The following KLF12 variants were observed in gnomAD, a reference collection of about 807,000 sequenced individuals.
KLF12 encodes KLF transcription factor 12.
KLF12 carries 9 observed loss-of-function variants against 37.8 expected under a neutral mutation model. That is an observed-to-expected ratio of 0.24 (90% CI 0.14 to 0.42). The LOEUF (loss-of-function observed/expected upper bound fraction) is 0.42, where lower values mean the gene tolerates loss of function less well. Among genes scored for constraint, KLF12 ranks in the 10% least tolerant of loss-of-function variants. KLF12 has a pLI of 1.00. For synonymous variants in KLF12, 208 were observed against 202.1 expected, an observed-to-expected ratio of 1.03 and a Z score of -0.25; for missense variants, 411 against 516.0, an observed-to-expected ratio of 0.80 and a Z score of 1.97.
chr13:73,715,373 T>C lies in KLF12; in HGVS notation c.1022A>G (p.His341Arg). 1 of 1,613,428 alleles carries C rather than the reference T, an allele frequency of 6.2e-7. No individual in the cohort carries two copies. The highest frequency in any genetic ancestry group is 8.5e-7 in the Non-Finnish European group (1 of 1,179,754). ...GAAGCCCTGCAGAGCGGTACCTGTA[T>C]GTGTCCTCCGGTGAGCCTTCAGGTG... Residue 341 changes from histidine (H) to arginine (R), a missense_variant, in exon 7 of 8, where the codon CAT becomes CGT. By Grantham distance (29) the His-to-Arg change is conservative. Transcript: ENST00000377669.
intron 2 of KLF12, among the ~76,000 whole-genome samples, chr13:73,991,812 A>G (rs893135542): frequency 6.6e-6 from 1 of 152,258 alleles, no homozygotes; most frequent in Non-Finnish European, 1.5e-5. Context: ...AAAATGGAAG[A>G]AAAGCTGGAT....
At chr13:73,750,505 C>A (rs561077623) in intron 6 of KLF12, among the ~76,000 whole-genome samples, 1 of 152,094 alleles carries the variant, frequency 6.6e-6, no homozygotes, top group South Asian at 2.1e-4. Flanking sequence ...ACATTACACA[C>A]GGGCCAACAA....
the KLF12 span, among the ~76,000 whole-genome samples, chr13:74,267,602 A>C: frequency 6.6e-6 from 1 of 152,170 alleles, no homozygotes; most frequent in Non-Finnish European, 1.5e-5. Flanking sequence ...AGGAGGGATG[A>C]AGAGAGGTTG....
At chr13:73,784,325 A>G (rs751733353) in intron 5 of KLF12, among the ~76,000 whole-genome samples, 1 of 152,086 alleles carries the variant, frequency 6.6e-6, no homozygotes, top group Non-Finnish European at 1.5e-5. Flanking sequence ...TTAACCCTTA[A>G]CTCCTTAACA....
At chr13:74,029,299 G>T (rs1162114964) in intron 1 of KLF12, among the ~76,000 whole-genome samples, 3 of 152,062 alleles carry the variant, frequency 2.0e-5, no homozygotes, top group East Asian at 1.9e-4. Flanking sequence ...TTCCTCAGTT[G>T]TTTTTTTATC....
the KLF12 span, among the ~76,000 whole-genome samples, chr13:74,183,957 A>C: frequency 2.6e-5 from 4 of 152,210 alleles, no homozygotes; most frequent in Admixed American, 1.3e-4. Context: ...ATACATTTTA[A>C]GAGCATTTAT....
At chr13:73,853,529 G>A (rs1344098419) in intron 3 of KLF12, among the ~76,000 whole-genome samples, 2 of 152,102 alleles carry the variant, frequency 1.3e-5, no homozygotes, top group African/African-American at 4.8e-5. Flanking sequence ...CTGAGGTCAG[G>A]AGTTCAAGAC....
chr13:74,230,460 C>G, the KLF12 span, among the ~76,000 whole-genome samples: 2 of 152,092 alleles, frequency 1.3e-5, no homozygotes, highest in Non-Finnish European at 2.9e-5. Context: ...AGTATGTACC[C>G]AATAAATAAT....
intron 4 of KLF12, among the ~76,000 whole-genome samples, chr13:73,838,640 A>C (rs1403656748): frequency 6.6e-6 from 1 of 151,440 alleles, no homozygotes; most frequent in African/African-American, 2.4e-5. Context: ...TAATGTAATA[A>C]ATATGTTTTG....
intron 6 of KLF12, among the ~76,000 whole-genome samples, chr13:73,746,918 G>A (rs1878413509): frequency 6.7e-6 from 1 of 150,182 alleles, no homozygotes; most frequent in African/African-American, 2.4e-5. Context: ...TGGTTCAGGT[G>A]ATTCTCCTGC....
At chr13:74,119,846 T>C (rs1877521634) in intron 1 of KLF12, among the ~76,000 whole-genome samples, 1 of 151,796 alleles carries the variant, frequency 6.6e-6, no homozygotes, top group South Asian at 2.1e-4. Context: ...TAAAGCAGCT[T>C]AGAGAATCCA....
chr13:73,760,402 C>G (rs760574001), intron 6 of KLF12, among the ~76,000 whole-genome samples: 10 of 152,228 alleles, frequency 6.6e-5, no homozygotes, highest in Non-Finnish European at 1.0e-4. Context: ...CTCACTGTAG[C>G]CTTGAATTCC....
chr13:73,762,672 C>A (rs9565040), intron 6 of KLF12, among the ~76,000 whole-genome samples: 72,210 of 152,036 alleles, frequency 0.47, 19,587 homozygotes, highest in East Asian at 0.77. Flanking sequence ...GACATGTAAT[C>A]CTACAAATTA....
At chr13:73,868,733 T>C (rs1886322374) in intron 3 of KLF12, among the ~76,000 whole-genome samples, 1 of 152,168 alleles carries the variant, frequency 6.6e-6, no homozygotes, top group Non-Finnish European at 1.5e-5. Context: ...TTCCGATAAA[T>C]TTTTAAATTC....
intron 3 of KLF12, among the ~76,000 whole-genome samples, chr13:73,902,627 C>G (rs1888091808): frequency 6.6e-6 from 1 of 152,212 alleles, no homozygotes; most frequent in South Asian, 2.1e-4. Flanking sequence ...ACAAAACATT[C>G]TAAAGTGTTC....
intron 1 of KLF12, among the ~76,000 whole-genome samples, chr13:74,128,870 G>A (rs74594861): frequency 0.015 from 2,207 of 151,610 alleles, 52 homozygotes; most frequent in African/African-American, 0.048. Context: ...TGTATTTCTC[G>A]GTCATGAAAT....
At chr13:73,781,207 T>A (rs566652418) in intron 5 of KLF12, among the ~76,000 whole-genome samples, 1 of 152,350 alleles carries the variant, frequency 6.6e-6, no homozygotes, top group Admixed American at 6.5e-5. Flanking sequence ...TTTATTAAAG[T>A]ACACACACTG....
chr13:73,787,824 CA>C (rs1881448332), intron 5 of KLF12, among the ~76,000 whole-genome samples: 1 of 152,154 alleles, frequency 6.6e-6, no homozygotes, highest in South Asian at 2.1e-4. Context: ...GTACGTAGTA[CA>C]TTTTTTTGTA....
the KLF12 span, among the ~76,000 whole-genome samples, chr13:74,195,059 C>T: frequency 4.6e-5 from 7 of 152,200 alleles, no homozygotes; most frequent in South Asian, 1.5e-3. Context: ...AGCTTTGGCA[C>T]CAGAAAGCTC....
Sources: gnomAD v4.1 joint callset for allele counts (sites outside exome capture counted in the v4.1 genomes callset) on GRCh38, gnomAD v4.1.1 for gene constraint, MANE v1.5 for transcripts, NCBI Gene and HGNC (gene_info 2026-07-23, HGNC 2026-07-21) for gene names.